Variants in JARID2 observed in about 807,000 individuals in gnomAD.
JARID2 encodes jumonji and AT-rich interaction domain containing 2.
A neutral mutation model predicts 125.6 loss-of-function variants in JARID2; 21 were observed. That is an observed-to-expected ratio of 0.17 (90% CI 0.12 to 0.24). The LOEUF (loss-of-function observed/expected upper bound fraction) is 0.24, where lower values mean the gene tolerates loss of function less well. JARID2 is among the 10% of genes least tolerant of loss of function. The probability of loss-of-function intolerance (pLI) is 1.00; values close to 1 mark genes in which losing one functional copy is unlikely to be tolerated. For synonymous variants in JARID2, 736 were observed against 661.6 expected, an observed-to-expected ratio of 1.11 and a Z score of -1.73; for missense variants, 1,303 against 1,639.6, an observed-to-expected ratio of 0.79 and a Z score of 3.55.
At chr6:15,257,684 C>T (rs1188601987) in intron 1 of JARID2, among the ~76,000 whole-genome samples, 1 of 152,190 alleles carries the variant, frequency 6.6e-6, no homozygotes, top group African/African-American at 2.4e-5. Context: ...TAGTACATTG[C>T]TTTCTTGGAG....
At chr6:15,437,905 C>G (rs1353068796) in intron 3 of JARID2, among the ~76,000 whole-genome samples, 1 of 152,066 alleles carries the variant, frequency 6.6e-6, no homozygotes, top group Middle Eastern at 3.2e-3. Context: ...AGAAAGGCCA[C>G]TTAAGAAGAA....
chr6:15,473,282 G>A (rs969468707), intron 5 of JARID2, among the ~76,000 whole-genome samples: 4 of 152,270 alleles, frequency 2.6e-5, no homozygotes, highest in Admixed American at 6.5e-5. Flanking sequence ...CTGTGCTGAC[G>A]TAAGCGCTCT....
chr6:15,344,841 T>G (rs1479566683), intron 1 of JARID2, among the ~76,000 whole-genome samples: 1 of 152,160 alleles, frequency 6.6e-6, no homozygotes, highest in Non-Finnish European at 1.5e-5. Flanking sequence ...AAAATGCTAT[T>G]AATAATAATA....
In JARID2 at chr6:15,346,666, T is replaced by C. The variant is rs1581438814; in HGVS notation, c.46-27451T>C. The stretch of plus-strand genomic sequence containing the variant: ...GAGCCTTGCTTGATTTTGTTTGTTC[T>C]GCTCTAACAACGTCTGGATGCTTGT... On this transcript the variant is annotated intron_variant, in intron 1 of 17. Transcript: ENST00000341776. 2.0e-5 allele frequency among the ~76,000 whole-genome samples: 3 copies of C among 152,170 alleles called. No homozygotes were observed. The South Asian group carries it at 6.2e-4, about 31-fold the overall frequency.
chr6:15,366,211 A>G (rs543130661), intron 1 of JARID2, among the ~76,000 whole-genome samples: 2 of 152,270 alleles, frequency 1.3e-5, no homozygotes, highest in Admixed American at 1.3e-4. Context: ...TATGAGAAAC[A>G]CGTTCTGAAA....
rs553793792 is a variant in JARID2, at chr6:15,250,295, A to G, written c.45+3711A>G. On this transcript the variant is annotated intron_variant, in intron 1 of 17. Transcript: ENST00000341776. ...TTACAAAGAAAAAAGTAGGAAGAACACAAAATATACAGTGGTTGGATTTAT... is the reference window on the plus strand; with the variant it reads ...TTACAAAGAAAAAAGTAGGAAGAACGCAAAATATACAGTGGTTGGATTTAT... Among the ~76,000 whole-genome samples the G allele has an allele frequency of 2.0e-5, 3 of 152,390 alleles. No homozygotes were observed. In the East Asian group the frequency reaches 5.8e-4, roughly 29 times the overall value.
At chr6:15,281,616 T>C (rs758024039) in intron 1 of JARID2, among the ~76,000 whole-genome samples, 3 of 152,224 alleles carry the variant, frequency 2.0e-5, no homozygotes, top group Non-Finnish European at 4.4e-5. Flanking sequence ...TTTATATAAA[T>C]GGAATGTAAG....
intron 2 of JARID2, among the ~76,000 whole-genome samples, chr6:15,383,209 C>T (rs1258529777): frequency 6.6e-6 from 1 of 151,866 alleles, no homozygotes; most frequent in African/African-American, 2.4e-5. Flanking sequence ...GCATGTTGCC[C>T]AGGCTGGCCT....
At position 15,486,806 on chromosome 6, in the gene JARID2, C is replaced by CTT. The variant is rs56268949; in HGVS notation, c.671-484_671-483dup. Among the ~76,000 whole-genome samples the CTT allele has an allele frequency of 3.2e-3, 326 of 100,520 alleles. 31 individuals carry two copies. The highest frequency in any genetic ancestry group is 0.012 in the African/African-American group (253 of 20,910). 65.9% of individuals were successfully genotyped at this position (100,520 alleles called of 152,430 possible). ...CATCTCTTTTAAATCTGAGAATAGA[C>CTT]TTTTTTTTTTTTTTTTTTGAGACAG... On this transcript the variant is annotated intron_variant, in intron 5 of 17. Transcript: ENST00000341776.
intron 1 of JARID2, among the ~76,000 whole-genome samples, chr6:15,283,098 C>T (rs1244321064): frequency 6.6e-6 from 1 of 151,958 alleles, no homozygotes; most frequent in Admixed American, 6.6e-5. Context: ...CCTGCCTCAG[C>T]CTCCCGAGTA....
Position 15,287,503 on chromosome 6 carries a change from G to A in JARID2, c.45+40919G>A, listed in dbSNP as rs528253828. Among the ~76,000 whole-genome samples the A allele has an allele frequency of 3.9e-5, 6 of 152,254 alleles. No individual in the cohort carries two copies. The East Asian group carries it at 1.2e-3, about 29-fold the overall frequency. Reference sequence around the variant, plus strand: ...AGTATAAGAGTATTTGCAATTTTTTGTGTTGATACCAAACTCACACAGAAT... The same window carrying A: ...AGTATAAGAGTATTTGCAATTTTTTATGTTGATACCAAACTCACACAGAAT... On this transcript the variant is annotated intron_variant, in intron 1 of 17. Transcript: ENST00000341776.
rs567907494 is a variant in JARID2 at position 15,337,428 on chromosome 6, G to A, written c.46-36689G>A. On this transcript the variant is annotated intron_variant, in intron 1 of 17. Transcript: ENST00000341776. ...CCTCCTGTTATCCTTTCCTCTCCCA[G>A]CTTGGGTGGCTATGCATGCCTGCAG... Among the ~76,000 whole-genome samples, 36 of 152,264 alleles carry A rather than the reference G, an allele frequency of 2.4e-4. 1 individual carries two copies. In the South Asian group the frequency reaches 7.5e-3, roughly 32 times the overall value.
chr6:15,321,635 C>G (rs1479047952), intron 1 of JARID2, among the ~76,000 whole-genome samples: 4 of 152,118 alleles, frequency 2.6e-5, no homozygotes, highest in Non-Finnish European at 5.9e-5. Flanking sequence ...CTCGTATTTA[C>G]AAGCCAATTG....
intron 7 of JARID2, among the ~76,000 whole-genome samples, chr6:15,500,326 A>C (rs1770671983): frequency 6.6e-6 from 1 of 152,184 alleles, no homozygotes; most frequent in African/African-American, 2.4e-5. Flanking sequence ...TTGCTCTGGA[A>C]ATCCAGCAGG....
chr6:15,349,054 T>G (rs1763340546), intron 1 of JARID2, among the ~76,000 whole-genome samples: 1 of 152,190 alleles, frequency 6.6e-6, no homozygotes, highest in Admixed American at 6.5e-5. Context: ...TTCACTGAGA[T>G]TCCTGAAACC....
At chr6:15,413,443 G>A (rs568951017) in intron 3 of JARID2, among the ~76,000 whole-genome samples, 1 of 152,272 alleles carries the variant, frequency 6.6e-6, no homozygotes, top group Non-Finnish European at 1.5e-5. Flanking sequence ...TAGCTGAGAC[G>A]GGGTAACTTT....
chr6:15,473,728 C>T (rs1769206449), intron 5 of JARID2, among the ~76,000 whole-genome samples: 1 of 152,180 alleles, frequency 6.6e-6, no homozygotes, highest in South Asian at 2.1e-4. Flanking sequence ...TCCCCACAAG[C>T]CACTACCTGG....
chr6:15,502,544 T>A (rs1770793883), intron 8 of JARID2, among the ~76,000 whole-genome samples: 1 of 152,222 alleles, frequency 6.6e-6, no homozygotes, highest in African/African-American at 2.4e-5. Context: ...GCTGCCTGAC[T>A]GCAGGCTCTG....
chr6:15,502,334 T>C (rs761151229), intron 8 of JARID2, among the ~76,000 whole-genome samples: 98 of 152,332 alleles, frequency 6.4e-4, no homozygotes, highest in Middle Eastern at 3.4e-3. Context: ...CTGGCCGAGC[T>C]CAGCTAAGTT....
Sources: allele counts gnomAD v4.1 joint callset (sites outside exome capture counted in the v4.1 genomes callset), GRCh38; gene constraint gnomAD v4.1.1; transcripts MANE v1.5; gene names NCBI Gene and HGNC (gene_info 2026-07-23, HGNC 2026-07-21).